Variants in CDH2 observed in about 807,000 individuals in gnomAD.
CDH2 encodes cadherin-2.
In CDH2, 17 loss-of-function variants were observed where a neutral mutation model predicts 92.0. That is an observed-to-expected ratio of 0.18 (90% confidence interval 0.13 to 0.28). The LOEUF (loss-of-function observed/expected upper bound fraction) is 0.28. Ranked by LOEUF, CDH2 falls within the 10% of genes least tolerant of loss-of-function variation. CDH2 has a pLI of 1.00. For synonymous variants in CDH2, 419 were observed against 415.9 expected, an observed-to-expected ratio of 1.01 and a Z score of -0.09; for missense variants, 862 against 1,133.1, an observed-to-expected ratio of 0.76 and a Z score of 3.44.
intron 14 of CDH2, among the ~76,000 whole-genome samples, chr18:27,979,166 G>A (rs1027114969): frequency 1.3e-5 from 2 of 152,080 alleles, no homozygotes; most frequent in African/African-American, 4.8e-5. Flanking sequence ...AAGTCAGTAA[G>A]AAAAAGACAG....
chr18:28,141,401 T>G (rs1010602674), intron 2 of CDH2, among the ~76,000 whole-genome samples: 3 of 151,988 alleles, frequency 2.0e-5, no homozygotes, highest in Non-Finnish European at 4.4e-5. Flanking sequence ...CTCTTTACTT[T>G]GAAGTGATGG....
chr18:28,102,865 T>A (rs1328620608), intron 2 of CDH2, among the ~76,000 whole-genome samples: 1 of 151,752 alleles, frequency 6.6e-6, no homozygotes, highest in Non-Finnish European at 1.5e-5. Flanking sequence ...TGAGCAATGC[T>A]AAATATCTAG....
At position 28,125,657 on chromosome 18, in the gene CDH2, G is replaced by A. The variant is rs561175397; in HGVS notation, c.172+22016C>T. ...AAAAACCCCTAAATCATCATAATGA[G>A]CATTTACTGAGCATTTACTATGTGC... On this transcript the variant is annotated intron_variant, in intron 2 of 15. Coordinates refer to ENST00000269141, the MANE Select transcript of CDH2 (RefSeq NM_001792.5). 2.0e-5 allele frequency among the ~76,000 whole-genome samples: 3 copies of A among 152,130 alleles called. No individual in the cohort carries two copies. In the South Asian group the frequency reaches 6.2e-4, roughly 32 times the overall value.
At chr18:28,162,213 C>A (rs1218307339) in intron 1 of CDH2, among the ~76,000 whole-genome samples, 3 of 152,046 alleles carry the variant, frequency 2.0e-5, no homozygotes, top group Non-Finnish European at 4.4e-5. Flanking sequence ...GCTAAATGAT[C>A]AAAAAGAAGT....
intron 2 of CDH2, among the ~76,000 whole-genome samples, chr18:28,073,746 T>C (rs1306985804): frequency 2.0e-5 from 3 of 152,226 alleles, no homozygotes; most frequent in Non-Finnish European, 2.9e-5. Flanking sequence ...TTACAGGCTC[T>C]GGAGTGAGAA....
intron 2 of CDH2, among the ~76,000 whole-genome samples, chr18:28,094,806 A>AAAAC (rs1253252292): frequency 6.6e-6 from 1 of 150,608 alleles, no homozygotes; most frequent in East Asian, 1.9e-4. Flanking sequence ...AAAAAAAAAA[A>AAAAC]AAAAAAAAAT....
chr18:28,094,924 A>G (rs907150884), intron 2 of CDH2, among the ~76,000 whole-genome samples: 3 of 152,114 alleles, frequency 2.0e-5, no homozygotes, highest in Admixed American at 6.5e-5. Flanking sequence ...CTCAAAACCT[A>G]TAAATTGGGG....
At chr18:28,135,915 A>T (rs1294444103) in intron 2 of CDH2, among the ~76,000 whole-genome samples, 1 of 152,184 alleles carries the variant, frequency 6.6e-6, no homozygotes, top group African/African-American at 2.4e-5. Flanking sequence ...CCACTACCAC[A>T]ACTAGTAATT....
At chr18:28,027,952 C>G (rs1433802123) in intron 2 of CDH2, among the ~76,000 whole-genome samples, 1 of 151,616 alleles carries the variant, frequency 6.6e-6, no homozygotes, top group Non-Finnish European at 1.5e-5. Flanking sequence ...GCTCCCTTTT[C>G]CCAACTGTAT....
chr18:28,027,514 C>T (rs1393746633), intron 2 of CDH2, among the ~76,000 whole-genome samples: 1 of 151,666 alleles, frequency 6.6e-6, no homozygotes, highest in African/African-American at 2.4e-5. Context: ...TGTTATTCTT[C>T]TTTAATACAA....
intron 14 of CDH2, among the ~76,000 whole-genome samples, chr18:27,981,504 G>A (rs1316046657): frequency 3.3e-5 from 5 of 152,170 alleles, no homozygotes; most frequent in Non-Finnish European, 5.9e-5. Context: ...GAGAGCTGGG[G>A]TATTGTAAAC....
chr18:28,104,207 T>G (rs1216598025), intron 2 of CDH2, among the ~76,000 whole-genome samples: 2 of 152,198 alleles, frequency 1.3e-5, no homozygotes, highest in African/African-American at 4.8e-5. Context: ...TTTCTTTAGG[T>G]TCTCTAACAT....
downstream of CDH2, chr18:27,950,898 C>T (rs925661887): frequency 2.0e-5 from 3 of 152,352 alleles, no homozygotes; most frequent in Non-Finnish European, 4.4e-5. Context: ...TACTGTTGTT[C>T]CCAGTACTTG....
At chr18:27,975,741 C>CAAG (rs2011805783) in intron 14 of CDH2, among the ~76,000 whole-genome samples, 6 of 152,196 alleles carry the variant, frequency 3.9e-5, no homozygotes, top group Non-Finnish European at 7.3e-5. Context: ...TTTGGGTACC[C>CAAG]ACACTTGGTG....
intron 1 of CDH2, among the ~76,000 whole-genome samples, chr18:28,169,754 G>A (rs1264887321): frequency 1.1e-4 from 16 of 152,146 alleles, no homozygotes; most frequent in Admixed American, 1.0e-3. Context: ...CATACCATAT[G>A]TATAATAGCA....
chr18:28,137,818 A>G (rs545419416), intron 2 of CDH2, among the ~76,000 whole-genome samples: 1 of 151,966 alleles, frequency 6.6e-6, no homozygotes, highest in Non-Finnish European at 1.5e-5. Context: ...TTTTCAGGAG[A>G]GATCTAAAGC....
At chr18:28,162,731 T>C (rs1024099300) in intron 1 of CDH2, among the ~76,000 whole-genome samples, 10 of 152,164 alleles carry the variant, frequency 6.6e-5, no homozygotes, top group African/African-American at 2.4e-4. Flanking sequence ...CGAGTTGTTA[T>C]CAGGAAAGTA....
At chr18:28,021,441 C>T (rs765870978) in intron 2 of CDH2, among the ~76,000 whole-genome samples, 1 of 151,752 alleles carries the variant, frequency 6.6e-6, no homozygotes, top group East Asian at 1.9e-4. Context: ...TAAGTCTATA[C>T]ACGATTAAAT....
intron 2 of CDH2, among the ~76,000 whole-genome samples, chr18:28,075,606 T>C (rs1225366942): frequency 6.6e-6 from 1 of 152,186 alleles, no homozygotes; most frequent in Non-Finnish European, 1.5e-5. Context: ...TGCACAGTGC[T>C]TTCTCAAACA....
Sources: gnomAD v4.1 joint callset for allele counts (sites outside exome capture counted in the v4.1 genomes callset) on GRCh38, gnomAD v4.1.1 for gene constraint, MANE v1.5 for transcripts, NCBI Gene and HGNC (gene_info 2026-07-23, HGNC 2026-07-21) for gene names.